MDGA2: variants seen among roughly 807,000 people sequenced by gnomAD.
MDGA2 encodes the protein MAM domain containing glycosylphosphatidylinositol anchor 2.
A neutral mutation model predicts 117.8 loss-of-function variants in MDGA2; 40 were observed. The observed-to-expected ratio is 0.34, with a 90% CI of 0.26 to 0.44. MDGA2 has a LOEUF of 0.44. Ranked by LOEUF, MDGA2 falls within the 20% of genes least tolerant of loss-of-function variation. MDGA2 has a pLI of 1.00. For synonymous variants in MDGA2, 452 were observed against 439.0 expected, an observed-to-expected ratio of 1.03 and a Z score of -0.37; for missense variants, 1,123 against 1,250.6, an observed-to-expected ratio of 0.90 and a Z score of 1.54.
chr14:47,355,244 T>A (rs1399223790), intron 1 of MDGA2, among the ~76,000 whole-genome samples: 1 of 152,106 alleles, frequency 6.6e-6, no homozygotes, highest in Non-Finnish European at 1.5e-5. Context: ...GGACCTATGA[T>A]CAGCCCTGAA....
At chr14:47,472,906 A>T (rs1261018102) in intron 1 of MDGA2, among the ~76,000 whole-genome samples, 3 of 151,878 alleles carry the variant, frequency 2.0e-5, no homozygotes, top group African/African-American at 2.4e-5. Context: ...GCTTTTTTTT[A>T]AAAAACTCAA....
chr14:47,222,598 A>T (rs753018751), intron 2 of MDGA2, among the ~76,000 whole-genome samples: 2 of 152,120 alleles, frequency 1.3e-5, no homozygotes, highest in Non-Finnish European at 2.9e-5. Flanking sequence ...CAATAAACAT[A>T]TAAGACTAAT....
At chr14:47,405,330 G>C (rs778593046) in intron 1 of MDGA2, among the ~76,000 whole-genome samples, 7 of 152,024 alleles carry the variant, frequency 4.6e-5, no homozygotes, top group Non-Finnish European at 8.8e-5. Flanking sequence ...TATAAACTCT[G>C]ATGTATTACT....
At chr14:47,608,337 C>T (rs1896778863) in intron 1 of MDGA2, among the ~76,000 whole-genome samples, 1 of 152,090 alleles carries the variant, frequency 6.6e-6, no homozygotes, top group South Asian at 2.1e-4. Context: ...CTCAGACAGA[C>T]ATCAGTAAGG....
At chr14:47,280,243 G>C (rs564736738) in intron 2 of MDGA2, among the ~76,000 whole-genome samples, 21 of 141,324 alleles carry the variant, frequency 1.5e-4, no homozygotes, top group South Asian at 2.2e-4. Context: ...GCACCCGGGA[G>C]GCAGAGGTTG....
chr14:47,079,527 T>C (rs974185100), intron 6 of MDGA2, among the ~76,000 whole-genome samples: 1 of 152,112 alleles, frequency 6.6e-6, no homozygotes, highest in Non-Finnish European at 1.5e-5. Context: ...TAATTTCTGA[T>C]AGCATTATTT....
chr14:47,098,957 G>T (rs1880143833), intron 5 of MDGA2, among the ~76,000 whole-genome samples: 1 of 151,870 alleles, frequency 6.6e-6, no homozygotes, highest in South Asian at 2.1e-4. Flanking sequence ...AAAAAATAAT[G>T]CATATATAAC....
rs149350537 is a variant in MDGA2 at position 46,840,460 on chromosome 14, G to A, written c.*1471C>T. 1.5e-4 allele frequency: 23 copies of A among 152,488 alleles called. No homozygotes were observed. The highest frequency in any genetic ancestry group is 5.1e-4 in the African/African-American group (21 of 41,496). The allele number at this position is 152,488 out of a possible 1,614,324, so 9.4% of individuals were successfully genotyped here. On this transcript the variant is annotated 3_prime_UTR_variant, in exon 17 of 17. Transcript: ENST00000399232. Reference sequence around the variant, plus strand: ...TTTACAATGCATTGGAAAACTGGCTGGTTAAAGATATGATTTGTCGTCAGG... The same window carrying A: ...TTTACAATGCATTGGAAAACTGGCTAGTTAAAGATATGATTTGTCGTCAGG...
intron 5 of MDGA2, among the ~76,000 whole-genome samples, chr14:47,102,715 G>A (rs561162180): frequency 6.6e-6 from 1 of 152,146 alleles, no homozygotes. Context: ...CCTGGCTCAG[G>A]TGCTTATCTA....
intron 1 of MDGA2, among the ~76,000 whole-genome samples, chr14:47,333,452 T>C (rs1343479808): frequency 1.3e-5 from 2 of 151,910 alleles, no homozygotes; most frequent in Non-Finnish European, 2.9e-5. Context: ...GAACAGTGTG[T>C]AAAGATTAAT....
At chr14:47,105,532 T>C (rs1354247888) in intron 5 of MDGA2, among the ~76,000 whole-genome samples, 2 of 152,004 alleles carry the variant, frequency 1.3e-5, no homozygotes, top group Non-Finnish European at 2.9e-5. Flanking sequence ...AAATGCCTTA[T>C]TTTCTTCTGC....
intron 1 of MDGA2, among the ~76,000 whole-genome samples, chr14:47,534,302 G>A (rs1359871654): frequency 6.6e-6 from 1 of 152,192 alleles, no homozygotes; most frequent in Non-Finnish European, 1.5e-5. Context: ...AAGTAACAAT[G>A]AAAAGGGCTG....
chr14:47,475,536 T>C (rs545476922), intron 1 of MDGA2, among the ~76,000 whole-genome samples: 13 of 152,250 alleles, frequency 8.5e-5, no homozygotes, highest in East Asian at 5.8e-4. Flanking sequence ...TGTATGTTCA[T>C]TGAAGCATTA....
chr14:46,916,858 T>C (rs1180705720), intron 10 of MDGA2, among the ~76,000 whole-genome samples: 1 of 152,138 alleles, frequency 6.6e-6, no homozygotes, highest in Non-Finnish European at 1.5e-5. Context: ...AAAAAACGCT[T>C]ATTTCTAAAT....
chr14:46,961,359 G>A (rs966907371), intron 8 of MDGA2, among the ~76,000 whole-genome samples: 6 of 151,934 alleles, frequency 3.9e-5, no homozygotes, highest in Non-Finnish European at 8.8e-5. Flanking sequence ...TGCTTTTGAT[G>A]TCTTTTAACC....
chr14:47,320,781 A>G (rs1447223323), intron 1 of MDGA2, among the ~76,000 whole-genome samples: 1 of 152,192 alleles, frequency 6.6e-6, no homozygotes, highest in Admixed American at 6.6e-5. Flanking sequence ...CTGAATTTAT[A>G]TCAATAATCT....
chr14:47,232,187 G>C (rs1886714006), intron 2 of MDGA2, among the ~76,000 whole-genome samples: 1 of 152,096 alleles, frequency 6.6e-6, no homozygotes, highest in African/African-American at 2.4e-5. Context: ...AGTGGGAAGA[G>C]ATGTGCTTTG....
At chr14:47,115,577 G>C (rs938849204) in intron 5 of MDGA2, among the ~76,000 whole-genome samples, 1 of 151,876 alleles carries the variant, frequency 6.6e-6, no homozygotes, top group Admixed American at 6.6e-5. Context: ...AGGGGAAAAG[G>C]AGAAAGAAAA....
chr14:46,921,144 G>C (rs1884112669), intron 9 of MDGA2, among the ~76,000 whole-genome samples: 1 of 151,998 alleles, frequency 6.6e-6, no homozygotes, highest in South Asian at 2.1e-4. Context: ...GCAAAATATT[G>C]TCCTACGTAT....
Sources: allele counts gnomAD v4.1 joint callset (sites outside exome capture counted in the v4.1 genomes callset), GRCh38; gene constraint gnomAD v4.1.1; transcripts MANE v1.5; gene names NCBI Gene and HGNC (gene_info 2026-07-23, HGNC 2026-07-21).